The following ZNF385B variants were observed in gnomAD, a reference collection of about 807,000 sequenced individuals.
The protein encoded by ZNF385B is zinc finger protein 533.
Under a neutral mutation model 39.2 loss-of-function variants are expected in ZNF385B, and 23 were observed. The observed-to-expected ratio is 0.59, with a 90% CI of 0.42 to 0.83. The LOEUF (loss-of-function observed/expected upper bound fraction) is 0.83. Ranked by LOEUF, ZNF385B falls within the 40% of genes least tolerant of loss-of-function variation. The pLI is 0.00. For synonymous variants in ZNF385B, 205 were observed against 222.6 expected (o/e 0.92, Z 0.70); for missense variants, 552 against 598.9 (o/e 0.92, Z 0.82).
chr2:179,577,185 G>GA (rs1685929177), intron 3 of ZNF385B, among the ~76,000 whole-genome samples: 1 of 152,114 alleles, frequency 6.6e-6, no homozygotes, highest in South Asian at 2.1e-4. Flanking sequence ...CCCTCTATGA[G>GA]AAAATAAGCA....
intron 3 of ZNF385B, among the ~76,000 whole-genome samples, chr2:179,596,441 C>A (rs950326525): frequency 6.6e-6 from 1 of 152,166 alleles, no homozygotes; most frequent in Non-Finnish European, 1.5e-5. Flanking sequence ...ATAATTTTCT[C>A]AAAAACTTAG....
At chr2:179,693,506 G>T (rs1698505799) in intron 3 of ZNF385B, among the ~76,000 whole-genome samples, 1 of 152,082 alleles carries the variant, frequency 6.6e-6, no homozygotes, top group South Asian at 2.1e-4. Flanking sequence ...ATGCAATAAT[G>T]AATTATTTCT....
chr2:179,822,794 C>CA (rs1403446992), intron 1 of ZNF385B, among the ~76,000 whole-genome samples: 7 of 152,094 alleles, frequency 4.6e-5, no homozygotes, highest in African/African-American at 1.7e-4. Context: ...TCTTTGCACA[C>CA]AAAAATAAAC....
At chr2:179,703,456 A>G (rs1699363124) in intron 3 of ZNF385B, among the ~76,000 whole-genome samples, 2 of 152,200 alleles carry the variant, frequency 1.3e-5, no homozygotes, top group Admixed American at 1.3e-4. Flanking sequence ...CATAGTATAT[A>G]TGTCATTTAT....
intron 1 of ZNF385B, among the ~76,000 whole-genome samples, chr2:179,773,428 A>G (rs922325821): frequency 3.9e-5 from 6 of 152,178 alleles, no homozygotes; most frequent in African/African-American, 1.4e-4. Context: ...CAAAGTCACT[A>G]TAAACACTTC....
chr2:179,467,070 A>G (rs1383686695), intron 6 of ZNF385B, among the ~76,000 whole-genome samples: 1 of 151,942 alleles, frequency 6.6e-6, no homozygotes, highest in African/African-American at 2.4e-5. Context: ...TGCATTACTG[A>G]GGGTGTCATT....
intron 3 of ZNF385B, among the ~76,000 whole-genome samples, chr2:179,682,190 C>G (rs554886544): frequency 6.6e-6 from 1 of 152,314 alleles, no homozygotes; most frequent in South Asian, 2.1e-4. Flanking sequence ...CCTGCTTTTA[C>G]TTATTATAGT....
intron 1 of ZNF385B, among the ~76,000 whole-genome samples, chr2:179,850,272 T>C (rs1256273719): frequency 6.6e-6 from 1 of 152,192 alleles, no homozygotes; most frequent in Non-Finnish European, 1.5e-5. Flanking sequence ...GGACAGATTG[T>C]AGCAATCAGC....
intron 3 of ZNF385B, among the ~76,000 whole-genome samples, chr2:179,707,473 A>G (rs1260113360): frequency 2.0e-5 from 3 of 152,210 alleles, no homozygotes; most frequent in African/African-American, 7.2e-5. Flanking sequence ...ATTACAGACT[A>G]TGGAGGAATT....
intron 1 of ZNF385B, among the ~76,000 whole-genome samples, chr2:179,848,590 G>A (rs968010288): frequency 6.6e-6 from 1 of 152,192 alleles, no homozygotes; most frequent in South Asian, 2.1e-4. Flanking sequence ...TTTGATCTGG[G>A]TGAGATACAT....
chr2:179,553,763 T>A (rs1013434481), intron 3 of ZNF385B, among the ~76,000 whole-genome samples: 1 of 149,502 alleles, frequency 6.7e-6, no homozygotes, highest in East Asian at 1.9e-4. Context: ...GCGGTTCTTT[T>A]CTGCAACGCA....
At chr2:179,776,206 C>T (rs1213391680) in intron 1 of ZNF385B, among the ~76,000 whole-genome samples, 2 of 152,104 alleles carry the variant, frequency 1.3e-5, no homozygotes, top group Non-Finnish European at 2.9e-5. Context: ...TGGATGGGTG[C>T]GAGAAGGAAG....
chr2:179,754,011 A>G lies in ZNF385B; in HGVS notation c.298+15492T>C, dbSNP rs1004232040. The stretch of plus-strand genomic sequence containing the variant: ...AGAGAGGGCATCCCTGTCTTGTGCC[A>G]GTTTTCAAAGGGAATGCTTCCAGTT... On this transcript the variant is annotated intron_variant, in intron 3 of 9. Transcript: ENST00000410066. Among the ~76,000 whole-genome samples the G allele has an allele frequency of 1.2e-3, 176 of 152,166 alleles. 2 individuals carry two copies. The highest frequency in any genetic ancestry group is 8.2e-4 in the Non-Finnish European group (56 of 68,006).
chr2:179,537,328 A>T (rs544966829), intron 4 of ZNF385B, among the ~76,000 whole-genome samples: 61 of 151,054 alleles, frequency 4.0e-4, no homozygotes, highest in African/African-American at 5.4e-4. Flanking sequence ...AAATAAAAAA[A>T]AAATAAAAAA....
At chr2:179,613,012 T>C (rs2138195) in intron 3 of ZNF385B, among the ~76,000 whole-genome samples, 50,400 of 152,098 alleles carry the variant, frequency 0.33, 8,705 homozygotes, top group Middle Eastern at 0.47. Context: ...CCTGTAGCCA[T>C]CACTGTCCTA....
chr2:179,525,340 T>G (rs2058823381), intron 4 of ZNF385B, among the ~76,000 whole-genome samples: 1 of 152,186 alleles, frequency 6.6e-6, no homozygotes, highest in Non-Finnish European at 1.5e-5. Flanking sequence ...TTTCTCATAT[T>G]CTTAGGATAA....
At chr2:179,616,044 TGAG>T (rs1689705188) in intron 3 of ZNF385B, among the ~76,000 whole-genome samples, 1 of 152,222 alleles carries the variant, frequency 6.6e-6, no homozygotes, top group Non-Finnish European at 1.5e-5. Flanking sequence ...TCTGATAAAT[TGAG>T]GAGTTTATAT....
intron 1 of ZNF385B, among the ~76,000 whole-genome samples, chr2:179,835,927 C>A (rs142270590): frequency 6.6e-6 from 1 of 152,070 alleles, no homozygotes; most frequent in African/African-American, 2.4e-5. Flanking sequence ...ACCCTCTTCA[C>A]AAATCGTTAA....
At chr2:179,485,185 T>C (rs1172242884) in intron 5 of ZNF385B, among the ~76,000 whole-genome samples, 3 of 152,204 alleles carry the variant, frequency 2.0e-5, no homozygotes, top group Non-Finnish European at 4.4e-5. Context: ...AATATATGAT[T>C]CTTCTGGTAA....
Sources: allele counts gnomAD v4.1 joint callset (sites outside exome capture counted in the v4.1 genomes callset), GRCh38; gene constraint gnomAD v4.1.1; transcripts MANE v1.5; gene names NCBI Gene and HGNC (gene_info 2026-07-23, HGNC 2026-07-21).